Variants in TPTE observed in about 807,000 individuals in gnomAD.
TPTE encodes putative tyrosine-protein phosphatase TPTE.
Under a neutral mutation model 84.1 loss-of-function variants are expected in TPTE, and 59 were observed. That is an observed-to-expected ratio of 0.70 (90% CI 0.57 to 0.87). The LOEUF (loss-of-function observed/expected upper bound fraction) is 0.87, where lower values mean the gene tolerates loss of function less well. TPTE is among the 40% of genes least tolerant of loss of function. TPTE has a pLI of 0.00. For missense variants in TPTE, 382 were observed against 659.6 expected (o/e 0.58, Z 4.61); for synonymous variants, 130 against 223.5 (o/e 0.58, Z 3.73).
chr21:10,590,606 ATTATT>A, intron 18 of TPTE, 83 bp downstream of exon 18: 1 of 1,594,770 alleles, frequency 6.3e-7, no homozygotes, highest in Non-Finnish European at 8.6e-7. Flanking sequence ...CATTAAGATG[ATTATT>A]TTAGTCATGG....
At chr21:10,591,068 ATCC>A (rs2075465815) in intron 18 of TPTE, among the ~76,000 whole-genome samples, 1 of 152,308 alleles carries the variant, frequency 6.6e-6, no homozygotes, top group Non-Finnish European at 1.5e-5. Flanking sequence ...AGCCTTGCCC[ATCC>A]TCACAACTCT....
At chr21:10,596,874 G>T (rs1005226660) in intron 20 of TPTE, among the ~76,000 whole-genome samples, 1 of 152,308 alleles carries the variant, frequency 6.6e-6, no homozygotes, top group Non-Finnish European at 1.5e-5. Context: ...TCAATAGAAA[G>T]AAGTTCTGCA....
At chr21:10,586,778 T>C (rs1461420073) in intron 17 of TPTE, among the ~76,000 whole-genome samples, 2 of 152,306 alleles carry the variant, frequency 1.3e-5, no homozygotes, top group African/African-American at 4.8e-5. Flanking sequence ...CTAGAAATCT[T>C]CCTAAAATCT....
At chr21:10,549,327 A>G (rs1257821473) in intron 7 of TPTE, among the ~76,000 whole-genome samples, 2 of 152,306 alleles carry the variant, frequency 1.3e-5, no homozygotes, top group African/African-American at 2.4e-5. Context: ...GCAAGAAAAC[A>G]TGTCACCTAC....
intron 21 of TPTE, among the ~76,000 whole-genome samples, chr21:10,601,515 A>C (rs1978505700): frequency 6.6e-6 from 1 of 150,402 alleles, no homozygotes; most frequent in Admixed American, 6.6e-5. Flanking sequence ...AAAAAAGAAA[A>C]GAAAAGTGGT....
chr21:10,544,567 G>A (rs975886299), intron 7 of TPTE, among the ~76,000 whole-genome samples: 1 of 152,304 alleles, frequency 6.6e-6, no homozygotes, highest in Non-Finnish European at 1.5e-5. Flanking sequence ...TGTATTTTTG[G>A]TAGGGGCGGG....
rs755924270 is a variant in TPTE, at chr21:10,605,385, T to G, written c.1521-32T>G. On this transcript the variant is annotated intron_variant, in intron 23 of 23. Coordinates refer to ENST00000618007, the MANE Select transcript of TPTE (RefSeq NM_199261.4). ...TGTGTGGCTTTTCAGTGAGCCCCAA[T>G]ATAAAATGTAATAATTTTTTTCTAT... is the stretch of plus-strand genomic sequence containing the variant. 1.6e-4 allele frequency: 258 copies of G among 1,607,872 alleles called. No homozygotes were observed. The South Asian group carries it at 2.5e-3, about 16-fold the overall frequency.
intron 9 of TPTE, among the ~76,000 whole-genome samples, chr21:10,560,753 CT>C (rs2074782945): frequency 6.6e-6 from 1 of 152,308 alleles, no homozygotes; most frequent in African/African-American, 2.4e-5. Context: ...TTCAGTTTTA[CT>C]TTTCTCTCTT....
At chr21:10,535,888 A>G (rs1255208681) in intron 3 of TPTE, among the ~76,000 whole-genome samples, 2 of 152,308 alleles carry the variant, frequency 1.3e-5, no homozygotes, top group East Asian at 1.9e-4. Context: ...GACAGCCATG[A>G]TGGGTGAAAG....
chr21:10,564,416 C>T (rs1487315963), intron 10 of TPTE, among the ~76,000 whole-genome samples: 17 of 151,800 alleles, frequency 1.1e-4, no homozygotes, highest in Admixed American at 3.3e-4. Context: ...AGGCCGAGGC[C>T]GGAGAATCAC....
At chr21:10,537,685 A>G (rs1175301522) in intron 3 of TPTE, among the ~76,000 whole-genome samples, 1 of 152,274 alleles carries the variant, frequency 6.6e-6, no homozygotes, top group African/African-American at 2.4e-5. Flanking sequence ...CTCAAAAAAA[A>G]AAAAAAAGAA....
chr21:10,525,971 A>T (rs867046720), intron 2 of TPTE, among the ~76,000 whole-genome samples: 685 of 152,120 alleles, frequency 4.5e-3, no homozygotes, highest in African/African-American at 0.016. Flanking sequence ...TCAGTAGAGG[A>T]TGTCTGAAAA....
chr21:10,565,313 C>A (rs1468981152), intron 10 of TPTE, among the ~76,000 whole-genome samples: 4 of 152,308 alleles, frequency 2.6e-5, no homozygotes, highest in Non-Finnish European at 5.9e-5. Context: ...AGTGTAAGAT[C>A]TTTATAATGA....
intron 3 of TPTE, among the ~76,000 whole-genome samples, chr21:10,534,365 C>T (rs1357494064): frequency 6.6e-6 from 1 of 152,308 alleles, no homozygotes; most frequent in Non-Finnish European, 1.5e-5. Flanking sequence ...GTAACTACTC[C>T]TGGGTAGTTG....
intron 7 of TPTE, among the ~76,000 whole-genome samples, chr21:10,548,562 A>G (rs896995583): frequency 4.6e-5 from 7 of 152,302 alleles, no homozygotes; most frequent in African/African-American, 1.7e-4. Flanking sequence ...ATCCTGAGCT[A>G]GAATAGCTCT....
chr21:10,574,599 C>G (rs3964712), intron 14 of TPTE, among the ~76,000 whole-genome samples: 3 of 152,288 alleles, frequency 2.0e-5, no homozygotes, highest in Admixed American at 6.5e-5. Flanking sequence ...TAACCAGGTT[C>G]TCACATTGGG....
At chr21:10,550,328 C>T (rs2074549326) in intron 7 of TPTE, among the ~76,000 whole-genome samples, 1 of 152,300 alleles carries the variant, frequency 6.6e-6, no homozygotes, top group Non-Finnish European at 1.5e-5. Flanking sequence ...TATATTTTAT[C>T]TAAAAGAAAC....
intron 7 of TPTE, among the ~76,000 whole-genome samples, chr21:10,546,799 G>T (rs536294510): frequency 6.6e-6 from 1 of 152,306 alleles, no homozygotes; most frequent in Non-Finnish European, 1.5e-5. Context: ...GGAAGCTACA[G>T]AAGAAAAGCT....
At chr21:10,525,797 C>G (rs1232196655) in intron 2 of TPTE, among the ~76,000 whole-genome samples, 14 of 152,418 alleles carry the variant, frequency 9.2e-5, no homozygotes, top group African/African-American at 3.4e-4. Context: ...AGCAGCTTAT[C>G]AAAGTATTAT....
Sources: gnomAD v4.1 joint callset for allele counts (sites outside exome capture counted in the v4.1 genomes callset) on GRCh38, gnomAD v4.1.1 for gene constraint, MANE v1.5 for transcripts, NCBI Gene and HGNC (gene_info 2026-07-23, HGNC 2026-07-21) for gene names.